TRIM71: variants seen among roughly 807,000 people sequenced by gnomAD.
The protein encoded by TRIM71 is E3 ubiquitin-protein ligase TRIM71.
TRIM71 carries 9 observed loss-of-function variants against 61.2 expected under a neutral mutation model. The observed-to-expected ratio is 0.15, with a 90% CI of 0.09 to 0.26. The LOEUF (loss-of-function observed/expected upper bound fraction) is 0.26. Among genes scored for constraint, TRIM71 ranks in the 10% least tolerant of loss-of-function variants. The probability of loss-of-function intolerance (pLI) is 1.00; values close to 1 mark genes in which losing one functional copy is unlikely to be tolerated. For missense variants in TRIM71, 998 were observed against 1,238.7 expected, an observed-to-expected ratio of 0.81 and a Z score of 2.92; for synonymous variants, 645 against 553.2, an observed-to-expected ratio of 1.17 and a Z score of -2.33.
chr3:32,840,971 G>A (rs1696397297), intron 1 of TRIM71, among the ~76,000 whole-genome samples: 4 of 152,194 alleles, frequency 2.6e-5, no homozygotes, highest in African/African-American at 7.2e-5. Flanking sequence ...GCCTGGCTGG[G>A]CGCAGTGGCT....
At chr3:32,827,268 C>CTTTTTTTTTTTTTTTTT (rs369755706) in intron 1 of TRIM71, among the ~76,000 whole-genome samples, 7 of 129,676 alleles carry the variant, frequency 5.4e-5, no homozygotes, top group Admixed American at 8.0e-5. Context: ...GGGGATAATT[C>CTTTTTTTTTTTTTTTTT]TTTTTTTTTT....
At chr3:32,855,493 G>A (rs1479727951) in intron 1 of TRIM71, among the ~76,000 whole-genome samples, 1 of 152,140 alleles carries the variant, frequency 6.6e-6, no homozygotes, top group Non-Finnish European at 1.5e-5. Context: ...TTTTAAAGAG[G>A]GGTGTGGCGT....
At chr3:32,886,603 T>G (rs1281053446) in intron 3 of TRIM71, among the ~76,000 whole-genome samples, 1 of 152,214 alleles carries the variant, frequency 6.6e-6, no homozygotes, top group Non-Finnish European at 1.5e-5. Context: ...ACTGTTCCTT[T>G]TCTGATTTTA....
At chr3:32,832,273 G>T (rs1324047142) in intron 1 of TRIM71, among the ~76,000 whole-genome samples, 1 of 152,182 alleles carries the variant, frequency 6.6e-6, no homozygotes, top group Non-Finnish European at 1.5e-5. Context: ...TTCGAGACCT[G>T]CCTGGGCAAC....
intron 1 of TRIM71, among the ~76,000 whole-genome samples, chr3:32,835,853 T>G (rs1445529360): frequency 1.3e-5 from 2 of 152,220 alleles, no homozygotes; most frequent in Non-Finnish European, 2.9e-5. Flanking sequence ...TCCAAAGTTG[T>G]GGTGTACCAG....
In TRIM71 at chr3:32,890,237, G is replaced by T. The variant is rs916408023; in HGVS notation, c.1156-123G>T. On this transcript the variant is annotated intron_variant, in intron 3 of 3. Transcript: ENST00000383763. The surrounding 1 kb of genome is among the most constrained non-coding windows in gnomAD (Gnocchi z 6.2). ...TTTTGAAGAAAGACAGATGTCTTTT[G>T]TAGACCATCCCACAATATGTGTTTG... 9 of 1,333,316 alleles carry T rather than the reference G, an allele frequency of 6.8e-6. No homozygotes were observed. In the African/African-American group the frequency reaches 1.2e-4, roughly 17 times the overall value. The allele number at this position is 1,333,316 out of a possible 1,614,324, so 82.6% of individuals were successfully genotyped here. A position where few individuals can be genotyped will look rare whatever the true frequency, so the allele number is the denominator to read the frequency against.
Position 32,894,862 on chromosome 3 carries a change from C to T in TRIM71, c.*3051C>T, listed in dbSNP as rs1028256513. 6.6e-6 allele frequency: 1 copy of T among 152,106 alleles called. No individual in the cohort carries two copies. The highest frequency in any genetic ancestry group is 1.5e-5 in the Non-Finnish European group (1 of 68,014). 9.4% of individuals were successfully genotyped at this position (152,106 alleles called of 1,614,324 possible). ...CAGGAGTTGGGTCAAAGAAGGGAGT[C>T]GTCATCCTGATGGAAAAAATAAGGT... On this transcript the variant is annotated 3_prime_UTR_variant, in exon 4 of 4. Transcript: ENST00000383763.
chr3:32,859,585 AT>A (rs1156641239), intron 1 of TRIM71, among the ~76,000 whole-genome samples: 1 of 152,096 alleles, frequency 6.6e-6, no homozygotes, highest in East Asian at 1.9e-4. Context: ...GAGGGGTTTG[AT>A]TCCAGTGGTT....
At chr3:32,886,210 A>G (rs1223040553) in intron 3 of TRIM71, 142 bp downstream of exon 3, 36 of 1,162,884 alleles carry the variant, frequency 3.1e-5, no homozygotes, top group Middle Eastern at 6.1e-4. Flanking sequence ...GCCTGTTAGC[A>G]GAAAGATGCA....
chr3:32,868,714 C>A (rs1410980022), intron 1 of TRIM71, among the ~76,000 whole-genome samples: 1 of 140,382 alleles, frequency 7.1e-6, no homozygotes, highest in African/African-American at 2.6e-5. Context: ...AAACTGTTTG[C>A]TTGTATTACT....
Position 32,890,344 on chromosome 3 carries a change from T to G in TRIM71, c.1156-16T>G. Reference sequence around the variant, plus strand: ...TAAGCCTCTGTGTCTTTCTCCACTCTTGCTTTTCCCTCCAGGTAGAAAAGA... The same window carrying G: ...TAAGCCTCTGTGTCTTTCTCCACTCGTGCTTTTCCCTCCAGGTAGAAAAGA... On this transcript the variant is annotated splice_polypyrimidine_tract_variant and intron_variant, in intron 3 of 3. Transcript: ENST00000383763. The surrounding 1 kb of genome is among the most constrained non-coding windows in gnomAD (Gnocchi z 6.2). 6.2e-7 allele frequency: 1 copy of G among 1,601,844 alleles called. No individual in the cohort carries two copies. Among genetic ancestry groups the G allele is most frequent in the Non-Finnish European group, 8.5e-7 (1 of 1,170,726 alleles).
In TRIM71 at chr3:32,868,707, CTGTT is replaced by C. The variant is rs1696766465; in HGVS notation, c.853-5108_853-5105del. The stretch of plus-strand genomic sequence containing the variant: ...TAGGGTTTTTTTTTTTTTTAAAAAA[CTGTT>C]TGCTTGTATTACTTTCTGCATTTGA... On this transcript the variant is annotated intron_variant, in intron 1 of 3. Coordinates refer to ENST00000383763, the MANE Select transcript of TRIM71 (RefSeq NM_001039111.3). Among the ~76,000 whole-genome samples the C allele has an allele frequency of 2.2e-5, 3 of 135,564 alleles. No individual in the cohort carries two copies. In the South Asian group the frequency reaches 7.3e-4, roughly 33 times the overall value. The allele number at this position is 135,564 out of a possible 152,430, so 88.9% of individuals were successfully genotyped here.
At chr3:32,837,853 G>C (rs1370232386) in intron 1 of TRIM71, among the ~76,000 whole-genome samples, 1 of 152,098 alleles carries the variant, frequency 6.6e-6, no homozygotes, top group African/African-American at 2.4e-5. Flanking sequence ...ATGGCATTTA[G>C]CTTCTGAGAA....
chr3:32,853,242 G>A (rs1044818611), intron 1 of TRIM71, among the ~76,000 whole-genome samples: 24 of 151,302 alleles, frequency 1.6e-4, no homozygotes, highest in Non-Finnish European at 3.1e-4. Flanking sequence ...TCAGCCTCCC[G>A]AGTAGCTGGG....
chr3:32,818,616 C>G lies in TRIM71; in HGVS notation c.536C>G (p.Ser179Trp). The part of the protein sequence containing the change: ...QAPQPPAPSR[S>W]APGGPAASPS... ...CCGCAGCCGCCCGCGCCTTCCCGCTCGGCACCCGGCGGCCCTGCCGCTTCC... is the reference window on the plus strand; with the variant it reads ...CCGCAGCCGCCCGCGCCTTCCCGCTGGGCACCCGGCGGCCCTGCCGCTTCC... The change falls in exon 1 of 4, where the codon TCG becomes TGG. Residue 179 changes from serine to tryptophan, a missense_variant. By Grantham distance (177) the Ser-to-Trp change is radical. This residue lies in a region of TRIM71 where 527 missense variants were observed against 427.8 expected (regional missense o/e 1.23). Coordinates refer to ENST00000383763, the MANE Select transcript of TRIM71 (RefSeq NM_001039111.3). 1 of 1,407,696 alleles carries G rather than the reference C, an allele frequency of 7.1e-7. No individual in the cohort carries two copies. The allele number at this position is 1,407,696 out of a possible 1,614,324, so 87.2% of individuals were successfully genotyped here. A position where few individuals can be genotyped will look rare whatever the true frequency, so the allele number is the denominator to read the frequency against.
chr3:32,860,111 C>T (rs1470379018), intron 1 of TRIM71, among the ~76,000 whole-genome samples: 1 of 145,056 alleles, frequency 6.9e-6, no homozygotes, highest in Non-Finnish European at 1.5e-5. Context: ...CTCTCCCCTT[C>T]CCTCTCCTCT....
intron 1 of TRIM71, among the ~76,000 whole-genome samples, chr3:32,872,347 T>G: frequency 6.6e-6 from 1 of 152,138 alleles, no homozygotes; most frequent in East Asian, 1.9e-4. Context: ...GTGGAGTAAC[T>G]TCTGTGTGCT....
Position 32,818,078 on chromosome 3 carries a change from C to T in TRIM71, c.-3C>T. The T allele has an allele frequency of 6.2e-7, 1 of 1,609,996 alleles. No individual in the cohort carries two copies. The stretch of plus-strand genomic sequence containing the variant: ...CTCCTCCCTCCTCCGGGCTGGGTTG[C>T]AAATGGCTTCGTTCCCCGAGACCGA... On this transcript the variant is annotated 5_prime_UTR_variant, in exon 1 of 4. Transcript: ENST00000383763.
intron 1 of TRIM71, among the ~76,000 whole-genome samples, chr3:32,867,182 C>T (rs866921942): frequency 6.6e-6 from 1 of 151,844 alleles, no homozygotes; most frequent in Admixed American, 6.6e-5. Flanking sequence ...CCCCCCTCCC[C>T]CTCCTCTTTT....
Sources: gnomAD v4.1 joint callset for allele counts (sites outside exome capture counted in the v4.1 genomes callset) on GRCh38, gnomAD v4.1.1 for gene constraint, gnomAD v4.1.1 regional missense constraint, Gnocchi (gnomAD v3.1) non-coding constraint, MANE v1.5 for transcripts, NCBI Gene and HGNC (gene_info 2026-07-23, HGNC 2026-07-21) for gene names.